Variants in KCNH1 observed in about 807,000 individuals in gnomAD.
KCNH1 encodes the protein potassium voltage-gated channel subfamily H member 1.
A neutral mutation model predicts 69.2 loss-of-function variants in KCNH1; 27 were observed. That is an observed-to-expected ratio of 0.39 (90% confidence interval 0.29 to 0.54). The LOEUF (loss-of-function observed/expected upper bound fraction) is 0.54, where lower values mean the gene tolerates loss of function less well. KCNH1 is among the 20% of genes least tolerant of loss of function. The probability of loss-of-function intolerance (pLI) is 0.68; values close to 1 mark genes in which losing one functional copy is unlikely to be tolerated. For synonymous variants in KCNH1, 456 were observed against 487.7 expected, an observed-to-expected ratio of 0.93 and a Z score of 0.86; for missense variants, 798 against 1,261.6, an observed-to-expected ratio of 0.63 and a Z score of 5.57.
At chr1:210,779,763 A>G (rs1683938885) in intron 9 of KCNH1, among the ~76,000 whole-genome samples, 1 of 152,134 alleles carries the variant, frequency 6.6e-6, no homozygotes, top group Admixed American at 6.5e-5. Flanking sequence ...AAGGCAGCCT[A>G]ATTAAAACTC....
intron 10 of KCNH1, among the ~76,000 whole-genome samples, chr1:210,740,901 A>G (rs546986139): frequency 6.6e-6 from 1 of 152,252 alleles, no homozygotes; most frequent in African/African-American, 2.4e-5. Flanking sequence ...CATCAGGTAA[A>G]GCCAGCTCCA....
intron 6 of KCNH1, among the ~76,000 whole-genome samples, chr1:210,954,663 G>T (rs1688133118): frequency 6.6e-6 from 1 of 152,202 alleles, no homozygotes; most frequent in Non-Finnish European, 1.5e-5. Context: ...CAGTGATGAT[G>T]ACCATTTTTT....
At chr1:210,775,859 T>C (rs1683849357) in intron 9 of KCNH1, among the ~76,000 whole-genome samples, 1 of 152,170 alleles carries the variant, frequency 6.6e-6, no homozygotes, top group Admixed American at 6.5e-5. Context: ...TCACACCCCC[T>C]TTTTCCCCTA....
chr1:210,913,361 C>CT lies in KCNH1; in HGVS notation c.1462+6278dup, dbSNP rs879744832. 9.9e-3 allele frequency among the ~76,000 whole-genome samples: 1,479 copies of CT among 149,374 alleles called. 24 individuals are homozygous for CT. Among genetic ancestry groups the CT allele is most frequent in the African/African-American group, 0.034 (1,381 of 40,776 alleles). On this transcript the variant is annotated intron_variant, in intron 7 of 10. Transcript: ENST00000271751. ...AGAAGGGAGTAGCAATTATTATTTTCTTTTTTTTTTCTAATTACAGAAAAG... is the reference window on the plus strand; with the variant it reads ...AGAAGGGAGTAGCAATTATTATTTTCTTTTTTTTTTTCTAATTACAGAAAAG...
chr1:210,784,289 C>T (rs900405304), intron 9 of KCNH1, among the ~76,000 whole-genome samples: 1 of 152,184 alleles, frequency 6.6e-6, no homozygotes, highest in African/African-American at 2.4e-5. Context: ...AGTAAAGGTA[C>T]AAAGCTCTGC....
chr1:210,919,551 T>A lies in KCNH1; in HGVS notation c.1462+89A>T, dbSNP rs1687416738. 8.4e-7 allele frequency: 1 copy of A among 1,194,292 alleles called. No homozygotes were observed. 74.0% of individuals were successfully genotyped at this position (1,194,292 alleles called of 1,614,324 possible). Reference sequence around the variant, plus strand: ...ACTCTTCCTTGTTTTAAGTTATTATTCTCCTGATCCTGCTGGCACTGTAGC... The same window carrying A: ...ACTCTTCCTTGTTTTAAGTTATTATACTCCTGATCCTGCTGGCACTGTAGC... On this transcript the variant is annotated intron_variant, in intron 7 of 10. Transcript: ENST00000271751. This position sits in a 1 kb window ranked among gnomAD's most constrained non-coding sequence, Gnocchi z 4.2.
intron 6 of KCNH1, among the ~76,000 whole-genome samples, chr1:210,989,915 C>T (rs549360010): frequency 6.6e-6 from 1 of 152,272 alleles, no homozygotes; most frequent in Non-Finnish European, 1.5e-5. Context: ...TAAGTGTTTT[C>T]TCTTCCCTAG....
intron 5 of KCNH1, among the ~76,000 whole-genome samples, chr1:211,078,790 C>T (rs1327235971): frequency 4.0e-5 from 6 of 151,456 alleles, no homozygotes; most frequent in South Asian, 4.2e-4. Flanking sequence ...TGGTGGTGGG[C>T]GCCTATAGTC....
rs535957990 is a variant in KCNH1 at position 210,908,757 on chromosome 1, A to G, written c.1462+10883T>C. On this transcript the variant is annotated intron_variant, in intron 7 of 10. Transcript: ENST00000271751. ...TCAGGAAGAGGGACACTCTATGCCC[A>G]CCCCTGCTCTGGCTCAGCCACCCCC... Among the ~76,000 whole-genome samples, 4 of 152,056 alleles carry G rather than the reference A, an allele frequency of 2.6e-5. No homozygotes were observed. The East Asian group carries it at 5.8e-4, about 22-fold the overall frequency.
chr1:211,133,924 T>G lies in KCNH1; in HGVS notation c.22A>C (p.Arg8=). 3 of 1,609,736 alleles carry G rather than the reference T, an allele frequency of 1.9e-6. No individual in the cohort carries two copies. The highest frequency in any genetic ancestry group is 2.5e-6 in the Non-Finnish European group (3 of 1,178,198). The change falls in exon 1 of 11, where the codon AGG becomes CGG. Residue 8 remains arginine (R), a synonymous_variant. Transcript: ENST00000271751. This position sits in a 1 kb window ranked among gnomAD's most constrained non-coding sequence, Gnocchi z 5.4. ...GTGTTTTGAGGGGCCACTAGTCCCC[T>G]CCTGCCCCCAGCCATGGTCATCCTC... MTMAGGR[R]GLVAPQNTFL...
intron 10 of KCNH1, among the ~76,000 whole-genome samples, chr1:210,701,907 C>T (rs566420978): frequency 1.1e-4 from 16 of 152,268 alleles, no homozygotes; most frequent in African/African-American, 3.9e-4. Context: ...TGCTGGAGCA[C>T]ATCCTCTAGT....
At chr1:210,722,310 T>C (rs12021575) in intron 10 of KCNH1, among the ~76,000 whole-genome samples, 33,396 of 152,094 alleles carry the variant, frequency 0.22, 4,639 homozygotes, top group African/African-American at 0.4. Flanking sequence ...TTTCTTGTTA[T>C]GTGTGCTTAT....
chr1:210,926,924 A>C (rs896418868), intron 6 of KCNH1, among the ~76,000 whole-genome samples: 3 of 152,182 alleles, frequency 2.0e-5, no homozygotes, highest in Non-Finnish European at 4.4e-5. Context: ...TGCAAAATGC[A>C]CTGGAAAGTC....
At chr1:210,987,995 C>T (rs1369486853) in intron 6 of KCNH1, among the ~76,000 whole-genome samples, 1 of 152,222 alleles carries the variant, frequency 6.6e-6, no homozygotes, top group Non-Finnish European at 1.5e-5. Flanking sequence ...GGCGCCCCTC[C>T]CCCAGCCTCG....
chr1:210,814,704 A>G (rs1684778359), intron 7 of KCNH1, among the ~76,000 whole-genome samples: 2 of 152,300 alleles, frequency 1.3e-5, no homozygotes, highest in South Asian at 2.1e-4. Flanking sequence ...AATTAACATG[A>G]CAAATGTCAA....
At chr1:211,120,955 C>A (rs1385529662) in intron 1 of KCNH1, among the ~76,000 whole-genome samples, 1 of 152,020 alleles carries the variant, frequency 6.6e-6, no homozygotes, top group African/African-American at 2.4e-5. Flanking sequence ...GAATAAAATA[C>A]CTAGGAATAC....
At chr1:210,748,483 G>A (rs1189961663) in intron 10 of KCNH1, among the ~76,000 whole-genome samples, 1 of 152,146 alleles carries the variant, frequency 6.6e-6, no homozygotes, top group Non-Finnish European at 1.5e-5. Flanking sequence ...CTAACACAGG[G>A]TTGCATGTCA....
intron 7 of KCNH1, among the ~76,000 whole-genome samples, chr1:210,901,195 C>T (rs560654290): frequency 1.3e-5 from 2 of 152,262 alleles, no homozygotes; most frequent in South Asian, 4.2e-4. Context: ...ACCTAGTACA[C>T]CTCCATGAAC....
At chr1:210,850,700 C>CA (rs1178463458) in intron 7 of KCNH1, among the ~76,000 whole-genome samples, 3 of 152,174 alleles carry the variant, frequency 2.0e-5, no homozygotes, top group Admixed American at 6.5e-5. Context: ...AGGCCTGACA[C>CA]AGCAGTCTCA....
Sources: allele counts gnomAD v4.1 joint callset (sites outside exome capture counted in the v4.1 genomes callset), GRCh38; gene constraint gnomAD v4.1.1; non-coding constraint Gnocchi (gnomAD v3.1); transcripts MANE v1.5; gene names NCBI Gene and HGNC (gene_info 2026-07-23, HGNC 2026-07-21).